FAM135B: variants seen among roughly 807,000 people sequenced by gnomAD.
FAM135B encodes the protein family with sequence similarity 135 member B, also known as protein FAM135B.
A neutral mutation model predicts 127.7 loss-of-function variants in FAM135B; 43 were observed. The ratio of observed to expected loss-of-function variants is 0.34; its 90% confidence interval spans 0.26 to 0.43. FAM135B has a LOEUF of 0.43. Among genes scored for constraint, FAM135B ranks in the 20% least tolerant of loss-of-function variants. The pLI is 1.00. For missense variants in FAM135B, 1,558 were observed against 1,725.6 expected (o/e 0.90, Z 1.72); for synonymous variants, 670 against 665.1 (o/e 1.01, Z -0.11).
chr8:138,326,022 G>A (rs1374166505), intron 2 of FAM135B, among the ~76,000 whole-genome samples: 1 of 152,112 alleles, frequency 6.6e-6, no homozygotes, highest in Non-Finnish European at 1.5e-5. Flanking sequence ...AAGGAACTCA[G>A]ACCAGCAACA....
intron 10 of FAM135B, among the ~76,000 whole-genome samples, chr8:138,178,040 T>A (rs893281507): frequency 2.0e-5 from 3 of 151,014 alleles, no homozygotes; most frequent in African/African-American, 7.3e-5. Flanking sequence ...AGGTCAGGAG[T>A]TCGAGACCAG....
Position 138,139,106 on chromosome 8 carries a change from C to CA in FAM135B, c.3791-11dup, listed in dbSNP as rs778261848. ...TGCATGAGCCATAAGCCTAGGAAGA[C>CA]AAAAACAAAATAAAAATCAAAAACA... On this transcript the variant is annotated splice_polypyrimidine_tract_variant and intron_variant, in intron 17 of 19. Transcript: ENST00000395297. The CA allele has an allele frequency of 6.4e-7, 1 of 1,555,418 alleles. No homozygotes were observed. Among genetic ancestry groups the CA allele is most frequent in the Non-Finnish European group, 8.8e-7 (1 of 1,135,970 alleles).
chr8:138,348,260 G>A (rs868294007), intron 2 of FAM135B, among the ~76,000 whole-genome samples: 15 of 146,924 alleles, frequency 1.0e-4, no homozygotes, highest in Admixed American at 2.8e-4. Flanking sequence ...TCAGCCTTCC[G>A]AGTAGCTGAG....
chr8:138,453,395 C>T (rs538835997), intron 1 of FAM135B, among the ~76,000 whole-genome samples: 45 of 149,638 alleles, frequency 3.0e-4, no homozygotes, highest in Non-Finnish European at 5.6e-4. Context: ...AAATTCCTGC[C>T]CCTGTCTTCT....
In FAM135B at chr8:138,178,601, G is replaced by A. The variant is rs1481708686; in HGVS notation, c.963C>T (p.Phe321=). Residue 321 remains phenylalanine, a synonymous_variant, in exon 10 of 20, where the codon TTC becomes TTT. Transcript: ENST00000395297. The part of the protein sequence containing the change: ...TSHMMTLWTQ[F]LDTVTLHSQV... The stretch of plus-strand genomic sequence containing the variant: ...GGGAGTGCAGAGTGACTGTGTCCAG[G>A]AACTGGGTCCACAGAGTCATCATGT... 1.9e-6 allele frequency: 3 copies of A among 1,613,932 alleles called. No homozygotes were observed. Among genetic ancestry groups the A allele is most frequent in the African/African-American group, 2.7e-5 (2 of 74,892 alleles).
chr8:138,473,830 CAGAG>C lies in FAM135B; in HGVS notation c.-20+22837_-20+22840del, dbSNP rs35738290. 5.3e-3 allele frequency among the ~76,000 whole-genome samples: 783 copies of C among 148,184 alleles called. 3 individuals are homozygous for C. Among genetic ancestry groups the C allele is most frequent in the African/African-American group, 0.017 (694 of 40,730 alleles). On this transcript the variant is annotated intron_variant, in intron 1 of 19. Transcript: ENST00000395297. ...ATTTTTTATCCACTCATATGAGAGA[CAGAG>C]AGAGAGAGAGAGAGAGAGACTTTTC...
At chr8:138,150,352 G>T (rs1198448421) in intron 13 of FAM135B, among the ~76,000 whole-genome samples, 1 of 152,154 alleles carries the variant, frequency 6.6e-6, no homozygotes, top group Non-Finnish European at 1.5e-5. Context: ...ATTCATAAGA[G>T]AGTTATAATA....
intron 1 of FAM135B, among the ~76,000 whole-genome samples, chr8:138,444,499 A>C (rs1835990584): frequency 6.6e-6 from 1 of 152,112 alleles, no homozygotes; most frequent in African/African-American, 2.4e-5. Context: ...TAAGAAACTC[A>C]CTCAAAACCG....
At position 138,195,415 on chromosome 8, in the gene FAM135B, G is replaced by A; in HGVS notation, c.824-108C>T. 5 of 1,025,932 alleles carry A rather than the reference G, an allele frequency of 4.9e-6. No individual in the cohort carries two copies. In the Admixed American group the frequency reaches 9.1e-5, roughly 19 times the overall value. The allele number at this position is 1,025,932 out of a possible 1,614,324, so 63.6% of individuals were successfully genotyped here. On this transcript the variant is annotated intron_variant, in intron 8 of 19. Coordinates refer to ENST00000395297, the MANE Select transcript of FAM135B (RefSeq NM_015912.4). ...TTCACATTGGCATTAACGTCACAGA[G>A]ACAAACACATTGCTGAGGACCTTCT...
chr8:138,482,679 G>C (rs2131682782), intron 1 of FAM135B, among the ~76,000 whole-genome samples: 1 of 152,070 alleles, frequency 6.6e-6, no homozygotes, highest in Middle Eastern at 3.4e-3. Flanking sequence ...TACTCCATTA[G>C]GTAGACATAT....
intron 1 of FAM135B, among the ~76,000 whole-genome samples, chr8:138,369,912 T>C (rs1228000913): frequency 6.6e-6 from 1 of 152,146 alleles, no homozygotes; most frequent in East Asian, 1.9e-4. Flanking sequence ...TTATCCCCAG[T>C]TCCCCTCCTG....
intron 3 of FAM135B, among the ~76,000 whole-genome samples, chr8:138,280,962 G>T (rs914074844): frequency 6.6e-6 from 1 of 152,084 alleles, no homozygotes; most frequent in African/African-American, 2.4e-5. Flanking sequence ...TGATAATGAG[G>T]CTACAGCTCC....
intron 1 of FAM135B, among the ~76,000 whole-genome samples, chr8:138,406,140 G>A (rs1273566285): frequency 2.9e-4 from 44 of 150,580 alleles, no homozygotes; most frequent in African/African-American, 4.7e-4. Context: ...AGTAGGTTGC[G>A]AAAATTTTCT....
intron 3 of FAM135B, among the ~76,000 whole-genome samples, chr8:138,306,559 A>C (rs776986732): frequency 4.0e-5 from 6 of 150,974 alleles, no homozygotes; most frequent in Admixed American, 1.3e-4. Context: ...GCAATAATAC[A>C]AAAAGCCTGT....
intron 7 of FAM135B, among the ~76,000 whole-genome samples, chr8:138,206,318 G>A (rs75727633): frequency 0.087 from 203 of 2,344 alleles, no homozygotes; most frequent in Middle Eastern, 0.25. Flanking sequence ...CCTACCCACA[G>A]CTCTATCATC....
chr8:138,443,656 T>C (rs1052137228), intron 1 of FAM135B, among the ~76,000 whole-genome samples: 2 of 152,144 alleles, frequency 1.3e-5, no homozygotes, highest in Non-Finnish European at 2.9e-5. Flanking sequence ...TACTGGGAAT[T>C]AGAGAGCAAA....
chr8:138,446,836 AG>A (rs1381928233), intron 1 of FAM135B, among the ~76,000 whole-genome samples: 1 of 151,868 alleles, frequency 6.6e-6, no homozygotes, highest in Non-Finnish European at 1.5e-5. Context: ...GCTTCTGCAC[AG>A]CAAAAGAAAC....
At chr8:138,245,139 A>C (rs1390095834) in intron 6 of FAM135B, among the ~76,000 whole-genome samples, 2 of 152,224 alleles carry the variant, frequency 1.3e-5, no homozygotes, top group Admixed American at 1.3e-4. Flanking sequence ...TCTAGCCCTT[A>C]CTGTGAATTT....
chr8:138,257,890 A>C (rs1011658794), intron 4 of FAM135B, among the ~76,000 whole-genome samples: 12 of 142,142 alleles, frequency 8.4e-5, no homozygotes, highest in Admixed American at 5.0e-4. Context: ...AAAAATAAAA[A>C]AAAAAATAAA....
Sources: gnomAD v4.1 joint callset for allele counts (sites outside exome capture counted in the v4.1 genomes callset) on GRCh38, gnomAD v4.1.1 for gene constraint, MANE v1.5 for transcripts, NCBI Gene and HGNC (gene_info 2026-07-23, HGNC 2026-07-21) for gene names.